ARHGAP17: variants seen among roughly 807,000 people sequenced by gnomAD.
The protein encoded by ARHGAP17 is Rho GTPase activating protein 17.
Under a neutral mutation model 99.5 loss-of-function variants are expected in ARHGAP17, and 57 were observed. That is an observed-to-expected ratio of 0.57 (90% CI 0.46 to 0.71). ARHGAP17 has a LOEUF of 0.71. Ranked by LOEUF, ARHGAP17 falls within the 30% of genes least tolerant of loss-of-function variation. The probability of loss-of-function intolerance (pLI) is 0.00; values close to 1 mark genes in which losing one functional copy is unlikely to be tolerated. For synonymous variants in ARHGAP17, 417 were observed against 429.6 expected (o/e 0.97, Z 0.36); for missense variants, 1,000 against 1,122.4 (o/e 0.89, Z 1.56).
At chr16:24,961,519 T>C (rs377289771) in intron 7 of ARHGAP17, among the ~76,000 whole-genome samples, 7 of 40,704 alleles carry the variant, frequency 1.7e-4, no homozygotes, top group Non-Finnish European at 3.2e-4. Context: ...AAAAAAAAAA[T>C]TTTTTTTTTT....
At chr16:24,971,604 A>G (rs1160431895) in intron 3 of ARHGAP17, among the ~76,000 whole-genome samples, 1 of 152,228 alleles carries the variant, frequency 6.6e-6, no homozygotes, top group Non-Finnish European at 1.5e-5. Flanking sequence ...CTGGGATTGC[A>G]GGCATGAGCC....
intron 1 of ARHGAP17, among the ~76,000 whole-genome samples, chr16:24,992,643 G>A (rs1391780349): frequency 6.6e-6 from 1 of 152,026 alleles, no homozygotes; most frequent in African/African-American, 2.4e-5. Flanking sequence ...CCAACACATA[G>A]CTATTTTAAC....
chr16:24,990,342 C>T (rs2053001092), intron 1 of ARHGAP17, among the ~76,000 whole-genome samples: 1 of 152,080 alleles, frequency 6.6e-6, no homozygotes, highest in Non-Finnish European at 1.5e-5. Flanking sequence ...AAAACTTAGC[C>T]AGGCATGGTG....
intron 17 of ARHGAP17, 189 bp from the exon 18 acceptor site, chr16:24,935,828 T>C (rs1402802615): frequency 1.5e-6 from 1 of 668,510 alleles, no homozygotes; most frequent in Non-Finnish European, 2.5e-6. Context: ...AAAGAGCTAA[T>C]GTTTACTTGG....
chr16:24,982,801 C>T (rs1301683304), intron 1 of ARHGAP17, among the ~76,000 whole-genome samples: 1 of 150,624 alleles, frequency 6.6e-6, no homozygotes, highest in African/African-American at 2.5e-5. Context: ...ACGTAGGCCA[C>T]AGAAATGTGC....
At chr16:24,941,648 A>C (rs1421312196) in intron 16 of ARHGAP17, 3 of 258,858 alleles carry the variant, frequency 1.2e-5, no homozygotes, top group African/African-American at 6.9e-5. Context: ...AGTCCACACT[A>C]TTGAATTTAT....
At chr16:24,946,223 C>T (rs568340512) in intron 14 of ARHGAP17, among the ~76,000 whole-genome samples, 87 of 152,174 alleles carry the variant, frequency 5.7e-4, no homozygotes, top group African/African-American at 2.1e-3. Flanking sequence ...TCCCCACCAC[C>T]CAGAAAATAA....
rs113567237 is a variant in ARHGAP17 at position 24,942,224 on chromosome 16, G to A, written c.1334-81C>T. 4,872 of 1,414,818 alleles carry A rather than the reference G, an allele frequency of 3.4e-3. 99 individuals are homozygous for A. The African/African-American group carries it at 0.052, about 15-fold the overall frequency. 87.6% of individuals were successfully genotyped at this position (1,414,818 alleles called of 1,614,324 possible). On this transcript the variant is annotated intron_variant, in intron 15 of 19. Transcript: ENST00000289968. The stretch of plus-strand genomic sequence containing the variant: ...GCTCTAAGACACCCCTCATTGGAAC[G>A]GGAACCTCGTTCTTCAGTCCACAGC...
In ARHGAP17 at chr16:24,952,941, A is replaced by G; in HGVS notation, c.954T>C (p.His318=). The G allele has an allele frequency of 6.2e-7, 1 of 1,614,128 alleles. No homozygotes were observed. Among genetic ancestry groups the G allele is most frequent in the Non-Finnish European group, 8.5e-7 (1 of 1,179,976 alleles). The part of the protein sequence containing the change: ...SHLDEFYSDP[H]AVAGALKSYL... ...CTCTTTGGCGCTCACCTGCTACAGC[A>G]TGGGGGTCTGAATAGAACTCATCCA... is the stretch of plus-strand genomic sequence containing the variant. Residue 318 remains histidine (H), a synonymous_variant, in exon 11 of 20, where the codon CAT becomes CAC. Coordinates refer to ENST00000289968, the MANE Select transcript of ARHGAP17 (RefSeq NM_001006634.3).
chr16:24,920,922 T>TG, intron 19 of ARHGAP17: 1 of 152,268 alleles, frequency 6.6e-6, no homozygotes, highest in Non-Finnish European at 1.5e-5. Context: ...AGACCAAGTC[T>TG]CCTGCAAACA....
chr16:24,960,015 AAAG>A (rs759804727), intron 7 of ARHGAP17, 36 bp from the exon 8 acceptor site: 2 of 1,601,642 alleles, frequency 1.2e-6, no homozygotes, highest in Non-Finnish European at 1.7e-6. Flanking sequence ...ATTGAAGAAA[AAAG>A]AAGTGAAACA....
At chr16:25,011,103 A>G (rs562729918) in intron 1 of ARHGAP17, among the ~76,000 whole-genome samples, 70 of 152,304 alleles carry the variant, frequency 4.6e-4, no homozygotes, top group African/African-American at 1.7e-3. Flanking sequence ...CATCTCCCCA[A>G]AAACACCATT....
intron 1 of ARHGAP17, among the ~76,000 whole-genome samples, chr16:25,014,739 G>C (rs1470642127): frequency 7.2e-5 from 11 of 152,220 alleles, no homozygotes; most frequent in Admixed American, 7.2e-4. Flanking sequence ...ACTTACAGGA[G>C]AAGGACTCGC....
intron 1 of ARHGAP17, among the ~76,000 whole-genome samples, chr16:24,995,629 A>C (rs2053170837): frequency 6.6e-6 from 1 of 152,214 alleles, no homozygotes; most frequent in South Asian, 2.1e-4. Context: ...AGCCAGCGGC[A>C]ATCCACCACC....
At chr16:24,985,862 A>T (rs2052850742) in intron 1 of ARHGAP17, among the ~76,000 whole-genome samples, 1 of 152,096 alleles carries the variant, frequency 6.6e-6, no homozygotes, top group Non-Finnish European at 1.5e-5. Flanking sequence ...ACACACACAG[A>T]TGCACACAGG....
At chr16:24,954,351 A>G (rs538551391) in intron 10 of ARHGAP17, among the ~76,000 whole-genome samples, 1 of 152,382 alleles carries the variant, frequency 6.6e-6, no homozygotes, top group South Asian at 2.1e-4. Flanking sequence ...GGTGTACCAC[A>G]ATCAGGAAAG....
At chr16:24,948,431 G>A (rs775784620) in intron 13 of ARHGAP17, among the ~76,000 whole-genome samples, 7 of 152,108 alleles carry the variant, frequency 4.6e-5, no homozygotes, top group Non-Finnish European at 7.4e-5. Flanking sequence ...ACAGGAGAGA[G>A]ATTTTTCATC....
intron 1 of ARHGAP17, among the ~76,000 whole-genome samples, chr16:24,982,974 A>ATATC (rs1318052624): frequency 5.2e-5 from 1 of 19,402 alleles, no homozygotes; most frequent in African/African-American, 2.0e-4. Flanking sequence ...TCATATATAT[A>ATATC]TATATATATA....
intron 19 of ARHGAP17, among the ~76,000 whole-genome samples, chr16:24,930,144 TCAC>T (rs1421813415): frequency 6.6e-6 from 1 of 152,198 alleles, no homozygotes; most frequent in Non-Finnish European, 1.5e-5. Context: ...ACCTGTACAA[TCAC>T]CACCACTTCC....
Sources: gnomAD v4.1 joint callset for allele counts (sites outside exome capture counted in the v4.1 genomes callset) on GRCh38, gnomAD v4.1.1 for gene constraint, MANE v1.5 for transcripts, NCBI Gene and HGNC (gene_info 2026-07-23, HGNC 2026-07-21) for gene names.